ERC2: variants seen among roughly 807,000 people sequenced by gnomAD.
The protein encoded by ERC2 is ELKS/RAB6-interacting/CAST family member 2.
A neutral mutation model predicts 114.8 loss-of-function variants in ERC2; 42 were observed. That is an observed-to-expected ratio of 0.37 (90% confidence interval 0.29 to 0.47). The LOEUF (loss-of-function observed/expected upper bound fraction) is 0.47. Among genes scored for constraint, ERC2 ranks in the 20% least tolerant of loss-of-function variants. The pLI is 0.99. For missense variants in ERC2, 939 were observed against 1,150.7 expected, an observed-to-expected ratio of 0.82 and a Z score of 2.66; for synonymous variants, 454 against 425.5, an observed-to-expected ratio of 1.07 and a Z score of -0.82.
chr3:56,447,812 G>A (rs1364786264), intron 1 of ERC2, among the ~76,000 whole-genome samples: 2 of 150,592 alleles, frequency 1.3e-5, no homozygotes, highest in Non-Finnish European at 3.0e-5. Flanking sequence ...GTGTGATCTC[G>A]GCTCACTGCA....
At chr3:55,648,229 T>C (rs1295096069) in intron 17 of ERC2, among the ~76,000 whole-genome samples, 6 of 152,210 alleles carry the variant, frequency 3.9e-5, no homozygotes. Flanking sequence ...CAAATATTAG[T>C]AGAGCAATGC....
intron 10 of ERC2, chr3:56,003,224 C>T: frequency 2.3e-6 from 2 of 884,806 alleles, no homozygotes; most frequent in South Asian, 1.6e-5. Flanking sequence ...AAAATCCATG[C>T]ATTCGCACAG....
chr3:55,952,174 C>CTCT (rs1171234318), intron 12 of ERC2, among the ~76,000 whole-genome samples: 1 of 55,022 alleles, frequency 1.8e-5, no homozygotes, highest in Non-Finnish European at 4.0e-5. Context: ...CACACACACA[C>CTCT]ACACACTCTC....
At chr3:55,704,580 A>G (rs1399173299) in intron 15 of ERC2, among the ~76,000 whole-genome samples, 2 of 152,202 alleles carry the variant, frequency 1.3e-5, no homozygotes, top group Admixed American at 6.5e-5. Flanking sequence ...CAAGTAAAAG[A>G]TGAGCAAACC....
intron 14 of ERC2, among the ~76,000 whole-genome samples, chr3:55,752,101 AAG>A (rs1327051818): frequency 1.3e-5 from 2 of 152,192 alleles, no homozygotes; most frequent in African/African-American, 4.8e-5. Context: ...TTAATGGAAA[AAG>A]AGTAATGTTT....
chr3:56,181,489 C>T (rs1259547147), intron 3 of ERC2, among the ~76,000 whole-genome samples: 2 of 152,290 alleles, frequency 1.3e-5, no homozygotes, highest in East Asian at 1.9e-4. Flanking sequence ...AAAATAGTTA[C>T]GATCTGGCCC....
At chr3:55,810,695 G>C (rs2059688335) in intron 14 of ERC2, among the ~76,000 whole-genome samples, 1 of 152,138 alleles carries the variant, frequency 6.6e-6, no homozygotes, top group African/African-American at 2.4e-5. Flanking sequence ...CCTGACCTTA[G>C]GTGATCCACC....
chr3:55,951,707 C>G (rs1041229997), intron 12 of ERC2, among the ~76,000 whole-genome samples: 1 of 152,000 alleles, frequency 6.6e-6, no homozygotes, highest in East Asian at 1.9e-4. Context: ...GGATCCCTTT[C>G]CCCCATACCA....
intron 17 of ERC2, among the ~76,000 whole-genome samples, chr3:55,592,863 C>T (rs376310918): frequency 5.9e-5 from 9 of 152,188 alleles, no homozygotes; most frequent in African/African-American, 2.2e-4. Context: ...ATATTCTATT[C>T]TTAGAGAGTC....
chr3:56,017,587 A>G (rs2073392557), intron 8 of ERC2, among the ~76,000 whole-genome samples: 1 of 151,986 alleles, frequency 6.6e-6, no homozygotes, highest in African/African-American at 2.4e-5. Context: ...TTCTCCCTCC[A>G]CAAGGGCTCC....
intron 17 of ERC2, among the ~76,000 whole-genome samples, chr3:55,631,854 T>C (rs1359710831): frequency 6.6e-6 from 1 of 152,214 alleles, no homozygotes; most frequent in Non-Finnish European, 1.5e-5. Context: ...TTACCATGTA[T>C]CTATTCTATC....
chr3:56,431,785 C>G (rs2061803035), intron 2 of ERC2, among the ~76,000 whole-genome samples: 1 of 152,150 alleles, frequency 6.6e-6, no homozygotes, highest in Non-Finnish European at 1.5e-5. Context: ...TCATTTTACA[C>G]TTTTTAATCT....
intron 8 of ERC2, among the ~76,000 whole-genome samples, chr3:56,016,451 T>C (rs2073317618): frequency 6.6e-6 from 1 of 151,396 alleles, no homozygotes; most frequent in Non-Finnish European, 1.5e-5. Flanking sequence ...AATAACTTTT[T>C]AATTTAACTC....
At chr3:56,374,567 T>C (rs999369284) in intron 2 of ERC2, among the ~76,000 whole-genome samples, 3 of 152,178 alleles carry the variant, frequency 2.0e-5, no homozygotes, top group Non-Finnish European at 4.4e-5. Context: ...TCCATCATTA[T>C]CTCCATTTAC....
At chr3:55,523,013 C>G (rs2053066324) in intron 17 of ERC2, among the ~76,000 whole-genome samples, 1 of 152,222 alleles carries the variant, frequency 6.6e-6, no homozygotes, top group African/African-American at 2.4e-5. Flanking sequence ...AAAGTCCTGG[C>G]AGGCAGGGTT....
chr3:56,438,850 G>A (rs1559504199), intron 1 of ERC2, among the ~76,000 whole-genome samples: 1 of 152,176 alleles, frequency 6.6e-6, no homozygotes, highest in African/African-American at 2.4e-5. Flanking sequence ...CAAGGCTTTG[G>A]AGAATCCCAA....
chr3:55,992,347 A>C, intron 10 of ERC2, 97 bp from the exon 11 acceptor site: 2 of 1,089,032 alleles, frequency 1.8e-6, no homozygotes, highest in Admixed American at 2.5e-5. Context: ...TTTGGAGAGA[A>C]AATCACCACC....
intron 2 of ERC2, among the ~76,000 whole-genome samples, chr3:56,323,333 C>A (rs1186390841): frequency 6.6e-6 from 1 of 152,168 alleles, no homozygotes; most frequent in Non-Finnish European, 1.5e-5. Context: ...TCACACTTTG[C>A]TCTCTTGGAA....
chr3:56,125,090 T>G (rs1249820137), intron 6 of ERC2, among the ~76,000 whole-genome samples: 1 of 152,158 alleles, frequency 6.6e-6, no homozygotes, highest in Non-Finnish European at 1.5e-5. Flanking sequence ...AAACTCAATT[T>G]ACAAAACATA....
Sources: gnomAD v4.1 joint callset for allele counts (sites outside exome capture counted in the v4.1 genomes callset) on GRCh38, gnomAD v4.1.1 for gene constraint, MANE v1.5 for transcripts, NCBI Gene and HGNC (gene_info 2026-07-23, HGNC 2026-07-21) for gene names.